Variants in ABI3BP observed in about 807,000 individuals in gnomAD.
ABI3BP encodes the protein ABI family member 3 binding protein.
ABI3BP carries 216 observed loss-of-function variants against 268.6 expected under a neutral mutation model. The ratio of observed to expected loss-of-function variants is 0.80; its 90% CI spans 0.72 to 0.90. The LOEUF (loss-of-function observed/expected upper bound fraction) is 0.90, where lower values mean the gene tolerates loss of function less well. Among genes scored for constraint, ABI3BP ranks in the 40% least tolerant of loss-of-function variants. ABI3BP has a pLI of 0.00. For synonymous variants in ABI3BP, 730 were observed against 730.0 expected (o/e 1.00, Z 0.00); for missense variants, 2,090 against 2,182.4 (o/e 0.96, Z 0.84).
At chr3:100,946,918 C>T (rs1453951753) in intron 1 of ABI3BP, among the ~76,000 whole-genome samples, 3 of 152,102 alleles carry the variant, frequency 2.0e-5, no homozygotes, top group East Asian at 3.9e-4. Context: ...AATATTTGTT[C>T]ACCATGAAAT....
chr3:100,885,077 C>G (rs2153397930), intron 6 of ABI3BP, among the ~76,000 whole-genome samples: 1 of 152,168 alleles, frequency 6.6e-6, no homozygotes, highest in African/African-American at 2.4e-5. Context: ...ATTGTCTGAA[C>G]TGAACAGAGA....
chr3:100,964,517 G>A (rs950919670), intron 1 of ABI3BP, among the ~76,000 whole-genome samples: 8 of 152,102 alleles, frequency 5.3e-5, no homozygotes, highest in Non-Finnish European at 1.0e-4. Context: ...CTAAACTTGT[G>A]TGTGTCCCAT....
intron 2 of ABI3BP, among the ~76,000 whole-genome samples, chr3:100,925,865 T>A (rs1397619992): frequency 5.3e-3 from 2 of 378 alleles, no homozygotes; most frequent in African/African-American, 0.017. Flanking sequence ...AAAACTTTAA[T>A]CTTTTTTCTC....
chr3:100,993,227 A>AGAT (rs1193122455), intron 1 of ABI3BP, 79 bp downstream of exon 1: 2 of 1,033,180 alleles, frequency 1.9e-6, no homozygotes, highest in African/African-American at 3.2e-5. Context: ...ATGGTAAAGC[A>AGAT]GATCATATTT....
chr3:100,872,611 C>T (rs1265568064), intron 9 of ABI3BP, among the ~76,000 whole-genome samples: 1 of 152,100 alleles, frequency 6.6e-6, no homozygotes, highest in Non-Finnish European at 1.5e-5. Context: ...TTTCCTCCTT[C>T]CAAACAAGTT....
At chr3:100,838,998 C>T (rs975290075) in intron 24 of ABI3BP, among the ~76,000 whole-genome samples, 1 of 151,980 alleles carries the variant, frequency 6.6e-6, no homozygotes, top group East Asian at 1.9e-4. Flanking sequence ...ACAATAAAAC[C>T]AGTTTGGGAC....
intron 63 of ABI3BP, among the ~76,000 whole-genome samples, chr3:100,763,269 T>TA (rs1349186048): frequency 2.0e-4 from 30 of 152,148 alleles, no homozygotes; most frequent in African/African-American, 5.8e-4. Flanking sequence ...AAGACCAGCC[T>TA]AGCCAACGTG....
intron 1 of ABI3BP, among the ~76,000 whole-genome samples, chr3:100,969,807 G>A (rs1286203474): frequency 6.6e-6 from 1 of 152,024 alleles, no homozygotes; most frequent in Non-Finnish European, 1.5e-5. Context: ...AGAGCCAGAG[G>A]AAATCCCCAA....
chr3:100,837,567 C>T (rs2098618040), intron 26 of ABI3BP, among the ~76,000 whole-genome samples: 1 of 152,060 alleles, frequency 6.6e-6, no homozygotes. Flanking sequence ...ACCAGCCTGG[C>T]CAACATGGTG....
intron 28 of ABI3BP, 28 bp from the exon 29 acceptor site, chr3:100,834,801 T>C (rs1292425660): frequency 1.6e-5 from 25 of 1,526,080 alleles, no homozygotes; most frequent in Non-Finnish European, 2.1e-5. Flanking sequence ...GTTATTGTAG[T>C]CATATGACTC....
At chr3:100,852,290 G>C (rs1047345642) in intron 14 of ABI3BP, among the ~76,000 whole-genome samples, 1 of 152,182 alleles carries the variant, frequency 6.6e-6, no homozygotes, top group African/African-American at 2.4e-5. Flanking sequence ...AGTTTGGGGA[G>C]AGATTTTCAA....
intron 58 of ABI3BP, 34 bp downstream of exon 58, chr3:100,780,098 G>C: frequency 6.3e-7 from 1 of 1,599,836 alleles, no homozygotes; most frequent in Non-Finnish European, 8.6e-7. Context: ...TTTCAGAGCT[G>C]AGCTGTCATA....
intron 1 of ABI3BP, among the ~76,000 whole-genome samples, chr3:100,992,225 G>A (rs766302686): frequency 7.9e-5 from 12 of 152,134 alleles, no homozygotes; most frequent in African/African-American, 1.7e-4. Context: ...CTAGCCAACC[G>A]CTTCAGCCTT....
At chr3:100,772,788 T>C (rs2096586793) in intron 61 of ABI3BP, among the ~76,000 whole-genome samples, 1 of 151,870 alleles carries the variant, frequency 6.6e-6, no homozygotes, top group South Asian at 2.1e-4. Flanking sequence ...ACACCCAAAA[T>C]AAAATGCAGG....
At chr3:100,916,132 A>G (rs927429802) in intron 2 of ABI3BP, among the ~76,000 whole-genome samples, 21 of 152,194 alleles carry the variant, frequency 1.4e-4, no homozygotes, top group African/African-American at 4.1e-4. Flanking sequence ...TTTGAAGCAG[A>G]GACTGTACAC....
intron 51 of ABI3BP, among the ~76,000 whole-genome samples, chr3:100,802,999 G>A (rs1393157818): frequency 1.4e-5 from 2 of 146,256 alleles, no homozygotes; most frequent in African/African-American, 4.9e-5. Context: ...TGAGAAAACT[G>A]AAATGTGGTA....
At position 100,835,662 on chromosome 3, in the gene ABI3BP, T is replaced by C. The variant is rs1560606212; in HGVS notation, c.2132-2A>G. On this transcript the variant is annotated splice_acceptor_variant, in intron 27 of 67. Transcript: ENST00000471714. LOFTEE classifies it high-confidence loss of function. ...CAGGCTCAATGTCTGTGGTGGGAAC[T>C]AACCAAAAGCAATACAATAAACAAT... 6.5e-7 allele frequency: 1 copy of C among 1,533,580 alleles called. No individual in the cohort carries two copies. Among genetic ancestry groups the C allele is most frequent in the Admixed American group, 2.0e-5 (1 of 50,818 alleles). 95.0% of individuals were successfully genotyped at this position (1,533,580 alleles called of 1,614,324 possible).
chr3:100,794,978 A>G lies in ABI3BP; in HGVS notation c.3891T>C (p.Pro1297=). Residue 1297 remains proline, a synonymous_variant, in exon 54 of 68, where the codon CCT becomes CCC. Coordinates refer to ENST00000471714, the MANE Select transcript of ABI3BP (RefSeq NM_001375547.2). Reference sequence around the variant, plus strand: ...GACTTGGGGAAATCATGGGTATAAAAGGGATGCCTCGTGTCTCTAGAGGAG... The same window carrying G: ...GACTTGGGGAAATCATGGGTATAAAGGGGATGCCTCGTGTCTCTAGAGGAG... ...TIAPLETRGI[P]FIPMISPSPS... The G allele has an allele frequency of 6.4e-7, 1 of 1,557,896 alleles. No individual in the cohort carries two copies. The highest frequency in any genetic ancestry group is 1.2e-5 in the South Asian group (1 of 81,888).
intron 1 of ABI3BP, among the ~76,000 whole-genome samples, chr3:100,957,175 G>A (rs1451086000): frequency 6.6e-6 from 1 of 152,122 alleles, no homozygotes; most frequent in Admixed American, 6.5e-5. Context: ...AATCAAGGTG[G>A]GAGATAATTT....
Sources: gnomAD v4.1 joint callset for allele counts (sites outside exome capture counted in the v4.1 genomes callset) on GRCh38, gnomAD v4.1.1 for gene constraint, MANE v1.5 for transcripts, NCBI Gene and HGNC (gene_info 2026-07-23, HGNC 2026-07-21) for gene names.